The following PIK3AP1 variants were observed in gnomAD, a reference collection of about 807,000 sequenced individuals.
PIK3AP1 encodes phosphoinositide 3-kinase adapter protein 1.
PIK3AP1 carries 21 observed loss-of-function variants against 88.1 expected under a neutral mutation model. The observed-to-expected ratio is 0.24, with a 90% confidence interval of 0.17 to 0.34. The LOEUF is 0.34. Among genes scored for constraint, PIK3AP1 ranks in the 10% least tolerant of loss-of-function variants. PIK3AP1 has a pLI of 1.00. For missense variants in PIK3AP1, 828 were observed against 1,035.7 expected (o/e 0.80, Z 2.75); for synonymous variants, 398 against 400.0 (o/e 1.00, Z 0.06).
intron 14 of PIK3AP1, among the ~76,000 whole-genome samples, chr10:96,605,549 A>G (rs1003286537): frequency 6.6e-6 from 1 of 152,164 alleles, no homozygotes; most frequent in Non-Finnish European, 1.5e-5. Context: ...CACTAACAAC[A>G]TAGTCAAGAT....
At chr10:96,666,190 C>T (rs182041185) in intron 2 of PIK3AP1, among the ~76,000 whole-genome samples, 3 of 152,162 alleles carry the variant, frequency 2.0e-5, no homozygotes, top group Admixed American at 1.3e-4. Context: ...GAGGCCGAGG[C>T]GGGAGGATCA....
chr10:96,692,789 CTG>C (rs1363186716), intron 2 of PIK3AP1, among the ~76,000 whole-genome samples: 1 of 152,156 alleles, frequency 6.6e-6, no homozygotes. Context: ...ATAATCAAAA[CTG>C]TGTTAATATA....
At chr10:96,656,043 C>T (rs964759791) in intron 3 of PIK3AP1, among the ~76,000 whole-genome samples, 3 of 152,228 alleles carry the variant, frequency 2.0e-5, no homozygotes, top group Non-Finnish European at 4.4e-5. Flanking sequence ...GAAGCCAGTG[C>T]TGCCCACTGC....
At chr10:96,685,400 A>C (rs1167388930) in intron 2 of PIK3AP1, among the ~76,000 whole-genome samples, 1 of 152,212 alleles carries the variant, frequency 6.6e-6, no homozygotes, top group East Asian at 1.9e-4. Context: ...GTTGGGCAAG[A>C]AAGGACACAA....
chr10:96,661,566 T>G (rs1843686537), intron 2 of PIK3AP1, among the ~76,000 whole-genome samples: 1 of 152,182 alleles, frequency 6.6e-6, no homozygotes, highest in Admixed American at 6.5e-5. Flanking sequence ...GACATGGAAC[T>G]TTGCATGCTT....
chr10:96,717,276 A>AAC lies in PIK3AP1; in HGVS notation c.13+3105_13+3106insGT, dbSNP rs11428481. On this transcript the variant is annotated intron_variant, in intron 1 of 16. Coordinates refer to ENST00000339364, the MANE Select transcript of PIK3AP1 (RefSeq NM_152309.3). ...CCGTCTCAAAAAAAAAAAAAAAAAA[A>AAC]CTCACTGGAGAGAAGTACAGACAGG... Among the ~76,000 whole-genome samples the AAC allele has an allele frequency of 2.7e-5, 4 of 147,994 alleles. No individual in the cohort carries two copies. In the Admixed American group the frequency reaches 2.7e-4, roughly 10 times the overall value.
intron 2 of PIK3AP1, among the ~76,000 whole-genome samples, chr10:96,692,994 A>T (rs1844173875): frequency 6.6e-6 from 1 of 152,150 alleles, no homozygotes; most frequent in African/African-American, 2.4e-5. Context: ...CATTCCTGCC[A>T]TTGTTGCAGC....
At chr10:96,597,321 T>TCCTTCCTC in intron 16 of PIK3AP1, among the ~76,000 whole-genome samples, 1 of 133,696 alleles carries the variant, frequency 7.5e-6, no homozygotes, top group Non-Finnish European at 1.6e-5. Context: ...CTTCCTTCCT[T>TCCTTCCTC]CCTTCCTTCT....
intron 3 of PIK3AP1, 91 bp downstream of exon 3, chr10:96,656,707 A>G: frequency 6.5e-7 from 1 of 1,537,836 alleles, no homozygotes; most frequent in Non-Finnish European, 8.8e-7. Context: ...GAGGTGCAAT[A>G]CAAGAAACCA....
intron 3 of PIK3AP1, among the ~76,000 whole-genome samples, chr10:96,654,952 A>G (rs1843594548): frequency 6.6e-6 from 1 of 152,250 alleles, no homozygotes; most frequent in South Asian, 2.1e-4. Context: ...TGCATGGCCC[A>G]TGTACAGGGT....
chr10:96,657,296 G>A (rs890212468), intron 2 of PIK3AP1, among the ~76,000 whole-genome samples: 2 of 152,158 alleles, frequency 1.3e-5, no homozygotes, highest in South Asian at 2.1e-4. Context: ...CCTTAGGTGG[G>A]TTCAAGTAGG....
chr10:96,648,707 A>G lies in PIK3AP1; in HGVS notation c.1137T>C (p.Ala379=), dbSNP rs762383625. The change falls in exon 7 of 17, where the codon GCT becomes GCC. Residue 379 remains alanine, a synonymous_variant. Coordinates refer to ENST00000339364, the MANE Select transcript of PIK3AP1 (RefSeq NM_152309.3). ...NKHGHYPNTI[A]EKHGFRDLRQ... is the part of the protein sequence containing the mutation. ...GCAGGTCCCTGAAGCCGTGTTTCTC[A>G]GCGATGGTGTTGGGGTAGTGGCCAT... The G allele has an allele frequency of 8.1e-6, 13 of 1,609,620 alleles. No homozygotes were observed. The African/African-American group carries it at 1.5e-4, about 18-fold the overall frequency.
intron 2 of PIK3AP1, among the ~76,000 whole-genome samples, chr10:96,657,768 T>C (rs1589520578): frequency 1.3e-5 from 2 of 152,068 alleles, no homozygotes; most frequent in East Asian, 1.9e-4. Context: ...AATCCCAAAA[T>C]GGTTAAGAAT....
In PIK3AP1 at chr10:96,645,528, G is replaced by C. The variant is rs371244901; in HGVS notation, c.1320C>G (p.Asp440Glu). Reference sequence around the variant, plus strand: ...CAGCCATGGACTCATAGAGATCCTCGTCACAGCCGGGGTTGAGCGAGCATT... The same window carrying C: ...CAGCCATGGACTCATAGAGATCCTCCTCACAGCCGGGGTTGAGCGAGCATT... ...LMKCSLNPGC[D>E]EDLYESMAAF... The change falls in exon 8 of 17, where the codon GAC becomes GAG. Residue 440 changes from aspartate to glutamate, a missense_variant. Physicochemically the swap from Asp to Glu is conservative, Grantham distance 45. Around this residue, in one of 3 missense-constraint regions of PIK3AP1, gnomAD observed 610 missense variants for 760.1 expected, o/e 0.80. Coordinates refer to ENST00000339364, the MANE Select transcript of PIK3AP1 (RefSeq NM_152309.3). 6.2e-7 allele frequency: 1 copy of C among 1,614,074 alleles called. No homozygotes were observed. The highest frequency in any genetic ancestry group is 1.7e-5 in the Admixed American group (1 of 59,996).
rs555701502 is a variant in PIK3AP1 at position 96,671,785 on chromosome 10, A to C, written c.431-14851T>G. On this transcript the variant is annotated intron_variant, in intron 2 of 16. Coordinates refer to ENST00000339364, the MANE Select transcript of PIK3AP1 (RefSeq NM_152309.3). ...GCCAGGCATGATTACTCACACCTGTAATCTCAGCACTTTGGGAGGCCAAGG... is the reference window on the plus strand; with the variant it reads ...GCCAGGCATGATTACTCACACCTGTCATCTCAGCACTTTGGGAGGCCAAGG... Among the ~76,000 whole-genome samples, 8 of 152,276 alleles carry C rather than the reference A, an allele frequency of 5.3e-5. No homozygotes were observed. The South Asian group carries it at 1.4e-3, about 28-fold the overall frequency.
intron 1 of PIK3AP1, among the ~76,000 whole-genome samples, chr10:96,714,537 T>C (rs1844478343): frequency 6.6e-6 from 1 of 152,230 alleles, no homozygotes; most frequent in South Asian, 2.1e-4. Context: ...TCTAGTGCCA[T>C]GGGTTTCTCA....
At chr10:96,713,341 C>CA (rs377478828) in intron 1 of PIK3AP1, among the ~76,000 whole-genome samples, 23,985 of 140,100 alleles carry the variant, frequency 0.17, 2,044 homozygotes, top group East Asian at 0.26. Flanking sequence ...ATTAAAAATA[C>CA]AAAAAAAAAA....
At chr10:96,696,324 G>A (rs1193097730) in intron 2 of PIK3AP1, among the ~76,000 whole-genome samples, 1 of 152,162 alleles carries the variant, frequency 6.6e-6, no homozygotes, top group Non-Finnish European at 1.5e-5. Context: ...CTGTGTCTTA[G>A]AAAACCAACT....
intron 2 of PIK3AP1, among the ~76,000 whole-genome samples, chr10:96,687,072 C>T (rs896514419): frequency 1.3e-5 from 2 of 151,674 alleles, no homozygotes; most frequent in East Asian, 1.9e-4. Context: ...CTGGCTAATA[C>T]GGTGAAACCC....
Sources: allele counts gnomAD v4.1 joint callset (sites outside exome capture counted in the v4.1 genomes callset), GRCh38; gene constraint gnomAD v4.1.1; regional missense constraint gnomAD v4.1.1; transcripts MANE v1.5; gene names NCBI Gene and HGNC (gene_info 2026-07-23, HGNC 2026-07-21).